Variants in LUZP2 observed in about 807,000 individuals in gnomAD.
The protein encoded by LUZP2 is leucine zipper protein 2.
Under a neutral mutation model 51.6 loss-of-function variants are expected in LUZP2, and 52 were observed. The observed-to-expected ratio is 1.01, with a 90% CI of 0.81 to 1.27. The LOEUF (loss-of-function observed/expected upper bound fraction) is 1.27, where lower values mean the gene tolerates loss of function less well. LUZP2 is among the 50% of genes most tolerant of loss of function. The pLI, the probability that LUZP2 is intolerant of heterozygous loss-of-function variation, is 0.00. For synonymous variants in LUZP2, 154 were observed against 137.3 expected (o/e 1.12, Z -0.85); for missense variants, 436 against 395.4 (o/e 1.10, Z -0.87).
chr11:24,559,360 G>T (rs370863300), intron 1 of LUZP2, among the ~76,000 whole-genome samples: 4 of 152,128 alleles, frequency 2.6e-5, no homozygotes, highest in Admixed American at 6.6e-5. Flanking sequence ...AGTGAAGATG[G>T]TTATCATAAA....
chr11:24,969,526 A>T (rs967260096), intron 7 of LUZP2, among the ~76,000 whole-genome samples: 2 of 152,122 alleles, frequency 1.3e-5, no homozygotes, highest in Non-Finnish European at 2.9e-5. Context: ...GCAACAATGT[A>T]TATTTGAGTT....
Position 24,805,000 on chromosome 11 carries a change from C to T in LUZP2, c.396+41692C>T, listed in dbSNP as rs150582310. On this transcript the variant is annotated intron_variant, in intron 5 of 11. Coordinates refer to ENST00000336930, the MANE Select transcript of LUZP2 (RefSeq NM_001009909.4). ...GACTAGAGGCATGTGCCACCACACC[C>T]GGCTAACTTTTTTTTTTTTTTTGTA... Among the ~76,000 whole-genome samples, 998 of 123,306 alleles carry T rather than the reference C, an allele frequency of 8.1e-3. 21 individuals carry two copies. In the East Asian group the frequency reaches 0.1, roughly 13 times the overall value. The allele number at this position is 123,306 out of a possible 152,430, so 80.9% of individuals were successfully genotyped here. A position where few individuals can be genotyped will look rare whatever the true frequency, so the allele number is the denominator to read the frequency against.
intron 1 of LUZP2, among the ~76,000 whole-genome samples, chr11:24,727,197 G>C (rs901166615): frequency 1.3e-5 from 2 of 152,026 alleles, no homozygotes; most frequent in African/African-American, 4.8e-5. Context: ...ACATTTATTT[G>C]CGTAATAGAG....
chr11:24,618,184 C>T (rs907556738), intron 1 of LUZP2, among the ~76,000 whole-genome samples: 1 of 152,080 alleles, frequency 6.6e-6, no homozygotes, highest in African/African-American at 2.4e-5. Flanking sequence ...TGATGAAAGT[C>T]CCGAATCTCC....
chr11:24,643,473 G>T (rs1307944599), intron 1 of LUZP2, among the ~76,000 whole-genome samples: 1 of 151,962 alleles, frequency 6.6e-6, no homozygotes, highest in African/African-American at 2.4e-5. Context: ...CACAAAATAA[G>T]GCTACTTACC....
chr11:25,071,077 A>G (rs1434232637), intron 10 of LUZP2, among the ~76,000 whole-genome samples: 1 of 151,540 alleles, frequency 6.6e-6, no homozygotes, highest in Admixed American at 6.6e-5. Context: ...AGCACAATTA[A>G]CAATGACCAT....
chr11:24,960,219 G>A (rs1185219082), intron 7 of LUZP2, among the ~76,000 whole-genome samples: 1 of 152,000 alleles, frequency 6.6e-6, no homozygotes, highest in Non-Finnish European at 1.5e-5. Flanking sequence ...CTCTTTTTTT[G>A]TTGTGTCTTT....
intron 1 of LUZP2, among the ~76,000 whole-genome samples, chr11:24,500,429 G>A (rs766481342): frequency 1.4e-4 from 21 of 152,278 alleles, no homozygotes; most frequent in Non-Finnish European, 2.5e-4. Flanking sequence ...AATAGCTTTG[G>A]AGTAGAATGA....
Position 24,611,640 on chromosome 11 carries a change from A to T in LUZP2, c.62+114335A>T, listed in dbSNP as rs1161897363. On this transcript the variant is annotated intron_variant, in intron 1 of 11. Coordinates refer to ENST00000336930, the MANE Select transcript of LUZP2 (RefSeq NM_001009909.4). The surrounding 1 kb of genome is among the most constrained non-coding windows in gnomAD (Gnocchi z 4.6). ...ATGGTTTTCTTCATCATAATCATTC[A>T]TCGTCATCATCATCATCATCCCTGG... is the stretch of plus-strand genomic sequence containing the variant. Among the ~76,000 whole-genome samples the T allele has an allele frequency of 6.6e-6, 1 of 152,108 alleles. No individual in the cohort carries two copies. The highest frequency in any genetic ancestry group is 1.5e-5 in the Non-Finnish European group (1 of 68,016).
intron 4 of LUZP2, among the ~76,000 whole-genome samples, chr11:24,755,136 ACT>A (rs2134016518): frequency 1.3e-5 from 2 of 151,600 alleles, no homozygotes; most frequent in East Asian, 3.9e-4. Context: ...CAAGAGCAAA[ACT>A]CTGTCTAAAA....
At chr11:24,833,733 T>C (rs964915029) in intron 5 of LUZP2, among the ~76,000 whole-genome samples, 1 of 103,396 alleles carries the variant, frequency 9.7e-6, no homozygotes, top group Admixed American at 9.7e-5. Context: ...CACACACACT[T>C]GATTCCATTG....
chr11:25,039,541 C>T (rs1857973993), intron 9 of LUZP2, among the ~76,000 whole-genome samples: 1 of 152,112 alleles, frequency 6.6e-6, no homozygotes, highest in Non-Finnish European at 1.5e-5. Flanking sequence ...GCGCTTATGG[C>T]CCAACTCTGC....
intron 4 of LUZP2, chr11:24,762,900 A>T (rs1590472495): frequency 1.5e-6 from 1 of 685,548 alleles, no homozygotes. Flanking sequence ...AGAGATTCCT[A>T]GGTTCAACTC....
At chr11:25,038,898 G>A (rs185047805) in intron 9 of LUZP2, among the ~76,000 whole-genome samples, 37 of 152,290 alleles carry the variant, frequency 2.4e-4, no homozygotes, top group South Asian at 2.1e-3. Flanking sequence ...GTTTTGCAGG[G>A]GGTAGAATTA....
chr11:24,949,324 CTA>C (rs879271159), intron 7 of LUZP2, among the ~76,000 whole-genome samples: 1,515 of 39,200 alleles, frequency 0.039, 14 homozygotes, highest in Middle Eastern at 0.16. Context: ...ATCTATCTAT[CTA>C]TCTATCTCTC....
At chr11:24,919,743 A>G (rs1216442823) in intron 7 of LUZP2, among the ~76,000 whole-genome samples, 1 of 150,292 alleles carries the variant, frequency 6.7e-6, no homozygotes, top group Non-Finnish European at 1.5e-5. Flanking sequence ...AGTTTTTATG[A>G]AACATTTATC....
At chr11:24,895,320 A>G (rs77924533) in intron 5 of LUZP2, among the ~76,000 whole-genome samples, 2,750 of 152,310 alleles carry the variant, frequency 0.018, 87 homozygotes, top group African/African-American at 0.063. Context: ...GTATATATAT[A>G]TAAAAAAACT....
chr11:24,715,982 C>A (rs1565095227), intron 1 of LUZP2, among the ~76,000 whole-genome samples: 1 of 151,876 alleles, frequency 6.6e-6, no homozygotes, highest in Admixed American at 6.6e-5. Context: ...AAATTATGAA[C>A]CTACTTTCTT....
At chr11:24,768,058 T>C (rs991777654) in intron 5 of LUZP2, among the ~76,000 whole-genome samples, 14 of 152,020 alleles carry the variant, frequency 9.2e-5, no homozygotes, top group Non-Finnish European at 1.5e-4. Context: ...GGCTCAAAAA[T>C]GAGTAGGATA....
Sources: allele counts gnomAD v4.1 joint callset (sites outside exome capture counted in the v4.1 genomes callset), GRCh38; gene constraint gnomAD v4.1.1; non-coding constraint Gnocchi (gnomAD v3.1); transcripts MANE v1.5; gene names NCBI Gene and HGNC (gene_info 2026-07-23, HGNC 2026-07-21).